Variants in QRICH1 observed in about 807,000 individuals in gnomAD.
The protein encoded by QRICH1 is glutamine rich 1, also known as transcriptional regulator QRICH1.
QRICH1 carries 16 observed loss-of-function variants against 87.1 expected under a neutral mutation model. That is an observed-to-expected ratio of 0.18 (90% confidence interval 0.12 to 0.28). The LOEUF is 0.28. Ranked by LOEUF, QRICH1 falls within the 10% of genes least tolerant of loss-of-function variation. The pLI is 1.00. For missense variants in QRICH1, 647 were observed against 951.7 expected, an observed-to-expected ratio of 0.68 and a Z score of 4.21; for synonymous variants, 367 against 368.4, an observed-to-expected ratio of 1.00 and a Z score of 0.05.
At chr3:49,041,686 A>C (rs2093311050) in intron 6 of QRICH1, among the ~76,000 whole-genome samples, 1 of 151,108 alleles carries the variant, frequency 6.6e-6, no homozygotes, top group African/African-American at 2.4e-5. Flanking sequence ...GCTGGAGTGG[A>C]GTGGCGTGGT....
intron 6 of QRICH1, among the ~76,000 whole-genome samples, chr3:49,039,026 CA>C (rs1421374398): frequency 1.3e-5 from 2 of 151,658 alleles, no homozygotes; most frequent in African/African-American, 4.8e-5. Flanking sequence ...GACTCCATCT[CA>C]AAAAAATAAA....
In QRICH1 at chr3:49,056,771, G is replaced by A. The variant is rs751819437; in HGVS notation, c.1338+91C>T. The A allele has an allele frequency of 5.7e-6, 9 of 1,576,714 alleles. No individual in the cohort carries two copies. In the African/African-American group the frequency reaches 6.7e-5, roughly 12 times the overall value. Reference sequence around the variant, plus strand: ...CTGCATCACTGTAAGAGTAACAGCAGTAAATAAGCCAGAGGTTGCGAGGCA... The same window carrying A: ...CTGCATCACTGTAAGAGTAACAGCAATAAATAAGCCAGAGGTTGCGAGGCA... On this transcript the variant is annotated intron_variant, in intron 3 of 9. Coordinates refer to ENST00000395443, the MANE Select transcript of QRICH1 (RefSeq NM_198880.3).
At chr3:49,084,305 G>C (rs2042127025) in intron 1 of QRICH1, among the ~76,000 whole-genome samples, 1 of 151,154 alleles carries the variant, frequency 6.6e-6, no homozygotes, top group East Asian at 2.0e-4. Context: ...GCCCAGGCTG[G>C]AGCGTAGTGG....
At chr3:49,043,755 C>T (rs1044618795) in intron 6 of QRICH1, among the ~76,000 whole-genome samples, 3 of 150,908 alleles carry the variant, frequency 2.0e-5, no homozygotes, top group Non-Finnish European at 4.4e-5. Flanking sequence ...TGAATTGGGA[C>T]CTGGGAGGCG....
At chr3:49,081,811 A>AT (rs71077763) in intron 1 of QRICH1, among the ~76,000 whole-genome samples, 1,796 of 134,522 alleles carry the variant, frequency 0.013, 14 homozygotes, top group African/African-American at 0.017. Context: ...GAAGCCTTCT[A>AT]TTTTTTTTTT....
chr3:49,082,894 CAAA>C (rs76269302), intron 1 of QRICH1, among the ~76,000 whole-genome samples: 5 of 77,290 alleles, frequency 6.5e-5, no homozygotes, highest in Non-Finnish European at 1.0e-4. Context: ...GACTGCGTCT[CAAA>C]AAAAAAAAAA....
rs763805452 is a variant in QRICH1, at chr3:49,057,511, C to T, written c.689G>A (p.Arg230Gln). The T allele has an allele frequency of 1.3e-5, 21 of 1,613,330 alleles. No individual in the cohort carries two copies. In the East Asian group the frequency reaches 2.0e-4, roughly 15 times the overall value. Residue 230 changes from arginine (R) to glutamine (Q), a missense_variant, in exon 3 of 10, where the codon CGG becomes CAG. Around this residue, in one of 7 missense-constraint regions of QRICH1, gnomAD observed 75 missense variants for 141.0 expected, o/e 0.53. Coordinates refer to ENST00000395443, the MANE Select transcript of QRICH1 (RefSeq NM_198880.3). This position sits in a 1 kb window ranked among gnomAD's most constrained non-coding sequence, Gnocchi z 5.4. ...SPPPSQQGSP[R>Q]EGERRVGTAS... ...CGTGCCAACCCGCCGCTCCCCTTCC[C>T]GGGGTGAGCCCTGCTGGGATGGTGG...
intron 2 of QRICH1, among the ~76,000 whole-genome samples, chr3:49,072,851 G>A (rs908478444): frequency 5.3e-5 from 8 of 152,038 alleles, no homozygotes; most frequent in Non-Finnish European, 2.9e-5. Flanking sequence ...ACACCAGCCT[G>A]AGCAACATGG....
At chr3:49,067,181 C>T (rs968700095) in intron 2 of QRICH1, among the ~76,000 whole-genome samples, 12 of 152,108 alleles carry the variant, frequency 7.9e-5, no homozygotes, top group African/African-American at 1.9e-4. Context: ...GGCACCTGTC[C>T]GTCACTCCAG....
At chr3:49,065,448 T>C (rs2093462560) in intron 2 of QRICH1, among the ~76,000 whole-genome samples, 1 of 152,136 alleles carries the variant, frequency 6.6e-6, no homozygotes, top group Non-Finnish European at 1.5e-5. Context: ...GCCTGACCCA[T>C]TTTTGCAAAC....
intron 6 of QRICH1, among the ~76,000 whole-genome samples, chr3:49,038,969 G>A (rs1019128489): frequency 2.0e-5 from 3 of 152,186 alleles, no homozygotes; most frequent in Admixed American, 1.3e-4. Flanking sequence ...AGAGGTTGCA[G>A]TGAGCCAAGA....
chr3:49,040,565 C>T (rs1220887709), intron 6 of QRICH1, among the ~76,000 whole-genome samples: 1 of 152,226 alleles, frequency 6.6e-6, no homozygotes, highest in Non-Finnish European at 1.5e-5. Context: ...TTCTCCGGCA[C>T]CTAGCAGACT....
chr3:49,088,851 G>A (rs146205949), intron 1 of QRICH1, among the ~76,000 whole-genome samples: 7 of 150,220 alleles, frequency 4.7e-5, no homozygotes, highest in East Asian at 4.0e-4. Flanking sequence ...CTCCAACTCC[G>A]GGGCTCAAGC....
At chr3:49,034,077 A>ATTT (rs1424046602) in intron 6 of QRICH1, among the ~76,000 whole-genome samples, 68 of 79,274 alleles carry the variant, frequency 8.6e-4, no homozygotes, top group African/African-American at 3.9e-3. Context: ...TCTTTGGGGG[A>ATTT]TTTTATTATT....
chr3:49,055,845 A>G (rs1197771083), intron 3 of QRICH1, among the ~76,000 whole-genome samples: 1 of 151,524 alleles, frequency 6.6e-6, no homozygotes, highest in African/African-American at 2.4e-5. Context: ...CACCCGGCTA[A>G]TTTTTGTATT....
At chr3:49,056,067 CTGGG>C (rs556750748) in intron 3 of QRICH1, among the ~76,000 whole-genome samples, 35 of 152,252 alleles carry the variant, frequency 2.3e-4, no homozygotes, top group African/African-American at 7.5e-4. Context: ...CCTCTGCCTC[CTGGG>C]TTCAAGTGAT....
At chr3:49,088,718 T>A (rs1210779886) in intron 1 of QRICH1, among the ~76,000 whole-genome samples, 2 of 150,550 alleles carry the variant, frequency 1.3e-5, no homozygotes, top group East Asian at 2.0e-4. Context: ...CTCACACTCC[T>A]GGGCTCAAAC....
chr3:49,087,874 CAT>C (rs1333743268), intron 1 of QRICH1, among the ~76,000 whole-genome samples: 2 of 136,760 alleles, frequency 1.5e-5, no homozygotes, highest in Non-Finnish European at 1.5e-5. Flanking sequence ...GAAATAACTC[CAT>C]ATGTTTATAA....
intron 2 of QRICH1, among the ~76,000 whole-genome samples, chr3:49,066,533 T>C (rs981312926): frequency 2.4e-4 from 37 of 151,580 alleles, no homozygotes; most frequent in Admixed American, 1.4e-3. Context: ...GGCGCAATCT[T>C]GGCTCACTGC....
Sources: allele counts gnomAD v4.1 joint callset (sites outside exome capture counted in the v4.1 genomes callset), GRCh38; gene constraint gnomAD v4.1.1; regional missense constraint gnomAD v4.1.1; non-coding constraint Gnocchi (gnomAD v3.1); transcripts MANE v1.5; gene names NCBI Gene and HGNC (gene_info 2026-07-23, HGNC 2026-07-21).